The following INPP4B variants were observed in gnomAD, a reference collection of about 807,000 sequenced individuals.
The protein encoded by INPP4B is inositol polyphosphate-4-phosphatase type II B.
In INPP4B, 55 loss-of-function variants were observed where a neutral mutation model predicts 122.5. That is an observed-to-expected ratio of 0.45 (90% confidence interval 0.36 to 0.56). INPP4B has a LOEUF of 0.56. Ranked by LOEUF, INPP4B falls within the 20% of genes least tolerant of loss-of-function variation. The pLI is 0.00. For missense variants in INPP4B, 1,000 were observed against 1,097.7 expected, an observed-to-expected ratio of 0.91 and a Z score of 1.26; for synonymous variants, 403 against 388.7, an observed-to-expected ratio of 1.04 and a Z score of -0.43.
At chr4:142,842,373 A>G (rs752060029) in intron 1 of INPP4B, among the ~76,000 whole-genome samples, 1 of 151,076 alleles carries the variant, frequency 6.6e-6, no homozygotes, top group Non-Finnish European at 1.5e-5. Flanking sequence ...TGTTTGGTGA[A>G]ATTACACAGT....
chr4:142,505,285 GTGTGAATATAATTACATA>G (rs1823875979), intron 2 of INPP4B, among the ~76,000 whole-genome samples: 1 of 151,422 alleles, frequency 6.6e-6, no homozygotes, highest in Non-Finnish European at 1.5e-5. Flanking sequence ...AAAATTATGT[GTGTGAATATAATTACATA>G]TGTGAATATA....
intron 2 of INPP4B, among the ~76,000 whole-genome samples, chr4:142,669,047 C>A (rs1270459264): frequency 6.6e-6 from 1 of 151,974 alleles, no homozygotes; most frequent in Non-Finnish European, 1.5e-5. Flanking sequence ...CAGAGCAAGA[C>A]TCCGCCTCAA....
chr4:142,578,250 A>G (rs1271392875), intron 2 of INPP4B, among the ~76,000 whole-genome samples: 1 of 151,944 alleles, frequency 6.6e-6, no homozygotes, highest in African/African-American at 2.4e-5. Context: ...ATGGATACAC[A>G]CACGCTGTGG....
intron 7 of INPP4B, among the ~76,000 whole-genome samples, chr4:142,386,096 A>G (rs1029061962): frequency 8.6e-5 from 13 of 151,988 alleles, no homozygotes; most frequent in African/African-American, 3.1e-4. Context: ...TATGAGTTCA[A>G]CTTTTTAAAA....
intron 25 of INPP4B, among the ~76,000 whole-genome samples, chr4:142,067,677 G>A (rs114498708): frequency 0.026 from 3,892 of 152,142 alleles, 185 homozygotes; most frequent in African/African-American, 0.089. Flanking sequence ...AGAAGTACGC[G>A]ACACATGCAC....
At chr4:142,029,020 G>C (rs772368241) in intron 25 of INPP4B, 106 bp from the exon 26 acceptor site, 54 of 1,447,916 alleles carry the variant, frequency 3.7e-5, no homozygotes, top group Non-Finnish European at 4.9e-5. Context: ...AAATAACAAA[G>C]ATTCAACTCT....
chr4:142,057,847 T>A (rs1011962920), intron 25 of INPP4B, among the ~76,000 whole-genome samples: 22 of 152,166 alleles, frequency 1.4e-4, no homozygotes, highest in African/African-American at 4.6e-4. Context: ...TCTATCTATA[T>A]AGCTATATCT....
Position 142,112,555 on chromosome 4 carries a change from T to C in INPP4B, c.2263A>G (p.Thr755Ala). Residue 755 changes from threonine to alanine, a missense_variant, in exon 22 of 26, where the codon ACT (threonine) becomes GCT (alanine). Thr to Ala is a moderately conservative substitution (Grantham distance 58, BLOSUM62 0). Transcript: ENST00000262992. The part of the protein sequence containing the change: ...LFNVGINEQQ[T>A]LAERFGDVSL... ...ACCAAAGCTTACCTTTCAGCCAGAG[T>C]TTGCTGTTCATTGATTCCAACATTA... 1 of 1,612,878 alleles carries C rather than the reference T, an allele frequency of 6.2e-7. No individual in the cohort carries two copies. The highest frequency in any genetic ancestry group is 1.1e-5 in the South Asian group (1 of 90,912).
intron 2 of INPP4B, among the ~76,000 whole-genome samples, chr4:142,600,028 A>G (rs1424312582): frequency 6.6e-6 from 1 of 152,146 alleles, no homozygotes; most frequent in Non-Finnish European, 1.5e-5. Flanking sequence ...ATGAGAAACT[A>G]TTAAGTGACA....
chr4:142,356,813 G>A (rs1281627727), intron 7 of INPP4B, among the ~76,000 whole-genome samples: 1 of 151,842 alleles, frequency 6.6e-6, no homozygotes, highest in African/African-American at 2.4e-5. Flanking sequence ...TGGTCACCAG[G>A]AAGACCAAGG....
At chr4:142,806,819 G>GAAAGAAAGAA (rs1393703856) in intron 1 of INPP4B, among the ~76,000 whole-genome samples, 1 of 145,852 alleles carries the variant, frequency 6.9e-6, no homozygotes, top group East Asian at 2.0e-4. Context: ...AAGAAAGAAA[G>GAAAGAAAGAA]AAAGAAAGAA....
chr4:142,571,057 CAGG>C (rs1407111872), intron 2 of INPP4B, among the ~76,000 whole-genome samples: 1 of 143,476 alleles, frequency 7.0e-6, no homozygotes, highest in Non-Finnish European at 1.5e-5. Flanking sequence ...CAAAGAATTC[CAGG>C]AGTCCTCACT....
chr4:142,464,981 T>C (rs1462664553), intron 2 of INPP4B, among the ~76,000 whole-genome samples: 1 of 152,188 alleles, frequency 6.6e-6, no homozygotes, highest in Non-Finnish European at 1.5e-5. Flanking sequence ...TGACATTACT[T>C]CTGCAAAGGT....
intron 7 of INPP4B, among the ~76,000 whole-genome samples, chr4:142,349,747 A>AG (rs1267565383): frequency 2.0e-5 from 3 of 152,026 alleles, no homozygotes; most frequent in Non-Finnish European, 4.4e-5. Context: ...CATAAAAGGC[A>AG]CATCTTTAGA....
intron 1 of INPP4B, among the ~76,000 whole-genome samples, chr4:142,840,335 A>T (rs1298226818): frequency 1.3e-5 from 2 of 152,182 alleles, no homozygotes; most frequent in Non-Finnish European, 2.9e-5. Flanking sequence ...AGATGCTGTG[A>T]GGGGATTAGG....
At chr4:142,244,434 G>C (rs1726826236) in intron 11 of INPP4B, among the ~76,000 whole-genome samples, 1 of 151,302 alleles carries the variant, frequency 6.6e-6, no homozygotes, top group Admixed American at 6.6e-5. Context: ...CGAGTAGCTG[G>C]GACTACAGGC....
intron 1 of INPP4B, among the ~76,000 whole-genome samples, chr4:142,738,571 G>A (rs773920902): frequency 1.3e-5 from 2 of 151,658 alleles, no homozygotes; most frequent in Admixed American, 6.6e-5. Context: ...TAACAAACCT[G>A]CAAGTTGTGC....
intron 1 of INPP4B, among the ~76,000 whole-genome samples, chr4:142,787,611 C>G (rs961199315): frequency 1.3e-5 from 2 of 152,046 alleles, no homozygotes; most frequent in Non-Finnish European, 2.9e-5. Context: ...ATACATTGAG[C>G]TGTCAGCTGT....
chr4:142,084,762 T>C (rs1279396162), intron 24 of INPP4B, among the ~76,000 whole-genome samples: 2 of 152,186 alleles, frequency 1.3e-5, no homozygotes, highest in Admixed American at 6.5e-5. Flanking sequence ...AAATGGGAAA[T>C]TGCATATACT....
Sources: gnomAD v4.1 joint callset for allele counts (sites outside exome capture counted in the v4.1 genomes callset) on GRCh38, gnomAD v4.1.1 for gene constraint, MANE v1.5 for transcripts, NCBI Gene and HGNC (gene_info 2026-07-23, HGNC 2026-07-21) for gene names.